Variants in CLMN observed in about 807,000 individuals in gnomAD.
CLMN encodes calmin, also known as calmin (calponin-like, transmembrane).
CLMN carries 57 observed loss-of-function variants against 92.7 expected under a neutral mutation model. The ratio of observed to expected loss-of-function variants is 0.61; its 90% CI spans 0.50 to 0.77. CLMN has a LOEUF of 0.77. Ranked by LOEUF, CLMN falls within the 30% of genes least tolerant of loss-of-function variation. CLMN has a pLI of 0.00. For missense variants in CLMN, 1,158 were observed against 1,237.5 expected (o/e 0.94, Z 0.96); for synonymous variants, 466 against 470.6 (o/e 0.99, Z 0.13).
chr14:95,219,772 T>A (rs1897469326), intron 4 of CLMN, among the ~76,000 whole-genome samples: 1 of 152,180 alleles, frequency 6.6e-6, no homozygotes, highest in African/African-American at 2.4e-5. Flanking sequence ...GAACAGGGGG[T>A]AGGCTTTCTT....
At chr14:95,236,245 T>C (rs967802829) in intron 1 of CLMN, among the ~76,000 whole-genome samples, 6 of 152,296 alleles carry the variant, frequency 3.9e-5, no homozygotes, top group East Asian at 3.9e-4. Context: ...AGGTGCTGTG[T>C]GGTGCACCTC....
chr14:95,278,397 TGAGTCG>T (rs754956774), intron 1 of CLMN, among the ~76,000 whole-genome samples: 2 of 152,230 alleles, frequency 1.3e-5, no homozygotes, highest in Admixed American at 6.5e-5. Flanking sequence ...CTTGGTGAAC[TGAGTCG>T]TTTTTCTCCA....
chr14:95,252,368 C>T (rs1209862943), intron 1 of CLMN, among the ~76,000 whole-genome samples: 11 of 152,044 alleles, frequency 7.2e-5, no homozygotes, highest in Admixed American at 7.2e-4. Context: ...AAAATGAGAG[C>T]TGGTATTTAC....
At chr14:95,296,423 C>T (rs1048829435) in intron 1 of CLMN, among the ~76,000 whole-genome samples, 1 of 152,214 alleles carries the variant, frequency 6.6e-6, no homozygotes, top group Non-Finnish European at 1.5e-5. Context: ...TGGTTGCCTT[C>T]CCCACCCCAA....
chr14:95,310,065 T>C (rs1566926275), intron 1 of CLMN, among the ~76,000 whole-genome samples: 1 of 152,112 alleles, frequency 6.6e-6, no homozygotes, highest in Non-Finnish European at 1.5e-5. Context: ...CCCCTCCAAA[T>C]CTCAGGTTGA....
In CLMN at chr14:95,203,040, C is replaced by T; in HGVS notation, c.2309G>A (p.Arg770Lys). 2.5e-6 allele frequency: 4 copies of T among 1,614,162 alleles called. No individual in the cohort carries two copies. Among genetic ancestry groups the T allele is most frequent in the African/African-American group, 1.3e-5 (1 of 75,048 alleles). The change falls in exon 9 of 13, where the codon AGG (arginine) becomes AAG (lysine). Residue 770 changes from arginine (R) to lysine (K), a missense_variant. Transcript: ENST00000298912. ...CTGAGAGCCATCGGCCTCCTCCTCCCTGGAGTCCAGGTCTGGCATATAGCC... is the reference window on the plus strand; with the variant it reads ...CTGAGAGCCATCGGCCTCCTCCTCCTTGGAGTCCAGGTCTGGCATATAGCC... ...PEGYMPDLDS[R>K]EEEADGSQSS...
At chr14:95,253,270 A>T (rs537314026) in intron 1 of CLMN, among the ~76,000 whole-genome samples, 1 of 152,306 alleles carries the variant, frequency 6.6e-6, no homozygotes, top group South Asian at 2.1e-4. Context: ...CGGTTTATAC[A>T]TCTGTAAAAT....
At chr14:95,293,671 CT>C (rs2140765006) in intron 1 of CLMN, among the ~76,000 whole-genome samples, 1 of 151,906 alleles carries the variant, frequency 6.6e-6, no homozygotes, top group East Asian at 2.0e-4. Context: ...ACTGCGCCCC[CT>C]GTCTCCCACC....
intron 6 of CLMN, among the ~76,000 whole-genome samples, chr14:95,212,238 A>T (rs1283056886): frequency 6.6e-6 from 1 of 152,170 alleles, no homozygotes; most frequent in African/African-American, 2.4e-5. Flanking sequence ...AATTTCACCT[A>T]ATTGTCCTGG....
chr14:95,210,131 C>T (rs932860820), intron 7 of CLMN, among the ~76,000 whole-genome samples: 1 of 152,148 alleles, frequency 6.6e-6, no homozygotes, highest in African/African-American at 2.4e-5. Context: ...CAGCTCACTG[C>T]AACTTCCACC....
At chr14:95,243,317 A>C (rs1175026135) in intron 1 of CLMN, among the ~76,000 whole-genome samples, 1 of 152,114 alleles carries the variant, frequency 6.6e-6, no homozygotes, top group Admixed American at 6.5e-5. Context: ...TGGTGGATTG[A>C]TGGGGTGATA....
intron 1 of CLMN, among the ~76,000 whole-genome samples, chr14:95,278,763 T>C (rs1314345448): frequency 6.6e-6 from 1 of 152,192 alleles, no homozygotes; most frequent in Non-Finnish European, 1.5e-5. Context: ...CAGAGAAGCA[T>C]GTTCTTGGCT....
intron 1 of CLMN, among the ~76,000 whole-genome samples, chr14:95,238,251 T>C (rs573833019): frequency 2.0e-5 from 3 of 152,302 alleles, no homozygotes; most frequent in African/African-American, 7.2e-5. Flanking sequence ...ACAACCTCAT[T>C]ACATGGCCTC....
At chr14:95,204,538 G>T in intron 8 of CLMN, 75 bp from the exon 9 acceptor site, 1 of 1,327,618 alleles carries the variant, frequency 7.5e-7, no homozygotes. Flanking sequence ...AGAGCAACAT[G>T]AGTAAGAAGA....
At chr14:95,268,547 C>G (rs1241201233) in intron 1 of CLMN, among the ~76,000 whole-genome samples, 1 of 152,084 alleles carries the variant, frequency 6.6e-6, no homozygotes, top group Non-Finnish European at 1.5e-5. Flanking sequence ...CACAACTAAT[C>G]CTTTTGATGG....
intron 9 of CLMN, among the ~76,000 whole-genome samples, chr14:95,201,736 C>T (rs1315089876): frequency 1.3e-5 from 2 of 151,662 alleles, no homozygotes; most frequent in African/African-American, 4.8e-5. Flanking sequence ...TCCCTCCCCT[C>T]GCCTCCCACC....
At chr14:95,279,584 C>T (rs1595089471) in intron 1 of CLMN, among the ~76,000 whole-genome samples, 1 of 152,234 alleles carries the variant, frequency 6.6e-6, no homozygotes. Flanking sequence ...GAGATCGAGA[C>T]CATCCTGGCT....
Position 95,191,790 on chromosome 14 carries a change from C to T in CLMN, c.2841-58G>A. ...CAAGCAGGTTCCCAGGAAAGTGGACCCCACCCAGTGCTACCCGTCTCTCCC... is the reference window on the plus strand; with the variant it reads ...CAAGCAGGTTCCCAGGAAAGTGGACTCCACCCAGTGCTACCCGTCTCTCCC... On this transcript the variant is annotated intron_variant, in intron 12 of 12. Transcript: ENST00000298912. This position sits in a 1 kb window ranked among gnomAD's most constrained non-coding sequence, Gnocchi z 5.3. 1 of 1,523,674 alleles carries T rather than the reference C, an allele frequency of 6.6e-7. No homozygotes were observed. The highest frequency in any genetic ancestry group is 8.8e-7 in the Non-Finnish European group (1 of 1,131,494). The allele number at this position is 1,523,674 out of a possible 1,614,324, so 94.4% of individuals were successfully genotyped here.
chr14:95,316,856 T>A (rs1043421026), intron 1 of CLMN, among the ~76,000 whole-genome samples: 2 of 152,148 alleles, frequency 1.3e-5, no homozygotes, highest in African/African-American at 4.8e-5. Context: ...GAATCAGGAA[T>A]GCCTGACCCT....
Sources: allele counts gnomAD v4.1 joint callset (sites outside exome capture counted in the v4.1 genomes callset), GRCh38; gene constraint gnomAD v4.1.1; non-coding constraint Gnocchi (gnomAD v3.1); transcripts MANE v1.5; gene names NCBI Gene and HGNC (gene_info 2026-07-23, HGNC 2026-07-21).